The following TMEM138 variants were observed in gnomAD, a reference collection of about 807,000 sequenced individuals.
TMEM138 encodes the protein transmembrane protein 138.
A neutral mutation model predicts 18.1 loss-of-function variants in TMEM138; 9 were observed. The ratio of observed to expected loss-of-function variants is 0.50; its 90% CI spans 0.30 to 0.87. The LOEUF (loss-of-function observed/expected upper bound fraction) is 0.87, where lower values mean the gene tolerates loss of function less well. Among genes scored for constraint, TMEM138 ranks in the 40% least tolerant of loss-of-function variants. TMEM138 has a pLI of 0.06. For missense variants in TMEM138, 189 were observed against 190.6 expected, an observed-to-expected ratio of 0.99 and a Z score of 0.05; for synonymous variants, 79 against 74.8, an observed-to-expected ratio of 1.06 and a Z score of -0.29.
At chr11:61,365,739 G>A (rs1858119113) in intron 2 of TMEM138, 1 of 220,750 alleles carries the variant, frequency 4.5e-6, no homozygotes, top group Non-Finnish European at 8.8e-6. Flanking sequence ...GAAAAATAAG[G>A]AGTATCAGAG....
downstream of TMEM138, among the ~76,000 whole-genome samples, chr11:61,370,823 T>G (rs1203973357): frequency 6.6e-6 from 1 of 151,934 alleles, no homozygotes; most frequent in Non-Finnish European, 1.5e-5. Flanking sequence ...CGGGAAAGTG[T>G]GGGTGGTTTC....
rs1349854928 is a variant in TMEM138, at chr11:61,368,599, G to T, written c.379G>T (p.Ala127Ser). The T allele has an allele frequency of 6.2e-7, 1 of 1,610,044 alleles. No individual in the cohort carries two copies. The highest frequency in any genetic ancestry group is 8.5e-7 in the Non-Finnish European group (1 of 1,176,794). The change falls in exon 5 of 5, where the codon GCA (alanine) becomes TCA (serine). Residue 127 changes from alanine (A) to serine (S), a missense_variant and splice_region_variant. Transcript: ENST00000278826. ...TCTCTTCTGCTTCCTCCCCACAGCA[G>T]CAGTGTTGTACTGCTACTTCTATAA... ...QMLFVFQRLA[A>S]VLYCYFYKRT...
At chr11:61,373,975 T>C (rs1414453093), downstream of TMEM138, among the ~76,000 whole-genome samples, 1 of 152,050 alleles carries the variant, frequency 6.6e-6, no homozygotes, top group African/African-American at 2.4e-5. Flanking sequence ...CCCAAGTAGC[T>C]GGGATTACAG....
chr11:61,370,017 G>T (rs1455253054), downstream of TMEM138, among the ~76,000 whole-genome samples: 3 of 152,220 alleles, frequency 2.0e-5, no homozygotes, highest in Admixed American at 1.3e-4. Context: ...GAGGCTAAAA[G>T]AATTTGCCGA....
intron 1 of TMEM138, chr11:61,363,970 C>G (rs1858040822): frequency 6.3e-6 from 1 of 157,634 alleles, no homozygotes; most frequent in Non-Finnish European, 1.4e-5. Context: ...GATTTGCTGC[C>G]ATTTTTGTTA....
intron 2 of TMEM138, 146 bp downstream of exon 2, chr11:61,364,664 G>A (rs1180929536): frequency 1.8e-6 from 2 of 1,133,568 alleles, no homozygotes; most frequent in Non-Finnish European, 2.5e-6. Context: ...CAAGGCAGGA[G>A]GATCTTTTGA....
At chr11:61,367,238 A>G (rs1163311140) in intron 3 of TMEM138, 1 of 152,272 alleles carries the variant, frequency 6.6e-6, no homozygotes, top group African/African-American at 2.4e-5. Flanking sequence ...GCCTCAGATC[A>G]GATCCAGTGT....
chr11:61,372,053 G>A (rs1183021530), downstream of TMEM138, among the ~76,000 whole-genome samples: 3 of 151,812 alleles, frequency 2.0e-5, no homozygotes, highest in Admixed American at 6.6e-5. Flanking sequence ...GCACATGCGT[G>A]TAATCCCAGC....
chr11:61,375,247 A>G (rs919168030), downstream of TMEM138, among the ~76,000 whole-genome samples: 2 of 151,692 alleles, frequency 1.3e-5, no homozygotes, highest in East Asian at 1.9e-4. Flanking sequence ...GTATACTCCT[A>G]TGAACAAAAT....
downstream of TMEM138, among the ~76,000 whole-genome samples, chr11:61,371,285 G>A (rs1054393620): frequency 7.2e-5 from 11 of 152,000 alleles, no homozygotes; most frequent in South Asian, 2.1e-4. Context: ...TGCCCCCCTC[G>A]GCCTCCCAAA....
chr11:61,369,463 C>T lies in TMEM138; in HGVS notation c.*754C>T, dbSNP rs938424429. 2 of 152,174 alleles carry T rather than the reference C, an allele frequency of 1.3e-5. No individual in the cohort carries two copies. The highest frequency in any genetic ancestry group is 2.4e-5 in the African/African-American group (1 of 41,430). The allele number at this position is 152,174 out of a possible 1,614,324, so 9.4% of individuals were successfully genotyped here. On this transcript the variant is annotated 3_prime_UTR_variant, in exon 5 of 5. Transcript: ENST00000278826. ...TTTCCTTATCAGAAGCCTTAACTGC[C>T]CTCAGAAGAATAAAAATATTCCCTT...
At chr11:61,372,980 G>A (rs1486777303), downstream of TMEM138, among the ~76,000 whole-genome samples, 2 of 151,908 alleles carry the variant, frequency 1.3e-5, no homozygotes, top group Non-Finnish European at 2.9e-5. Flanking sequence ...TTTTAATTAA[G>A]GTTATTACAT....
chr11:61,368,604 G>A lies in TMEM138; in HGVS notation c.384G>A (p.Val128=). Residue 128 remains valine (V), a synonymous_variant, in exon 5 of 5, where the codon GTG becomes GTA. Transcript: ENST00000278826. ...TCTGCTTCCTCCCCACAGCAGCAGT[G>A]TTGTACTGCTACTTCTATAAACGGA... is the stretch of plus-strand genomic sequence containing the variant. ...MLFVFQRLAA[V]LYCYFYKRTA... The A allele has an allele frequency of 6.2e-7, 1 of 1,606,880 alleles. No individual in the cohort carries two copies. The highest frequency in any genetic ancestry group is 2.2e-5 in the East Asian group (1 of 44,848).
At position 61,366,191 on chromosome 11, in the gene TMEM138, G is replaced by T; in HGVS notation, c.275G>T (p.Ser92Ile). The change falls in exon 3 of 5, where the codon AGC (serine) becomes ATC (isoleucine). Residue 92 changes from serine to isoleucine, a missense_variant. Transcript: ENST00000278826. ...CTGACAGCTGTGTACTTTGCCCTCA[G>T]CATCTCCCTTCATGTCTGGGTCATG... ...IILTAVYFAL[S>I]ISLHVWVMNL... 1 of 1,614,014 alleles carries T rather than the reference G, an allele frequency of 6.2e-7. No homozygotes were observed.
At chr11:61,362,470 T>C (rs1489686445) in intron 1 of TMEM138, 50 bp downstream of exon 1, 1 of 152,310 alleles carries the variant, frequency 6.6e-6, no homozygotes, top group Non-Finnish European at 1.5e-5. Context: ...GTCAGAATTT[T>C]TGGTGCTGTT....
chr11:61,364,120 G>A (rs1388826180), intron 1 of TMEM138, 132 bp from the exon 2 acceptor site: 3 of 296,064 alleles, frequency 1.0e-5, no homozygotes, highest in Admixed American at 9.5e-5. Flanking sequence ...ACTTCTTGGG[G>A]GTTTTTGTTG....
chr11:61,375,974 G>C (rs1161002713), downstream of TMEM138, among the ~76,000 whole-genome samples: 1 of 152,186 alleles, frequency 6.6e-6, no homozygotes, highest in Admixed American at 6.5e-5. Flanking sequence ...CCACGGCTGG[G>C]CTCGGCTTTT....
chr11:61,367,832 T>A, intron 3 of TMEM138, 91 bp from the exon 4 acceptor site: 1 of 799,538 alleles, frequency 1.3e-6, no homozygotes, highest in Admixed American at 1.9e-5. Flanking sequence ...AGCATGATTT[T>A]AAAGCAACTG....
At chr11:61,373,895 G>A (rs1485051443), downstream of TMEM138, among the ~76,000 whole-genome samples, 1 of 151,630 alleles carries the variant, frequency 6.6e-6, no homozygotes, top group Non-Finnish European at 1.5e-5. Context: ...GGCTGGAGTA[G>A]TGCAGTGGTG....
Sources: allele counts gnomAD v4.1 joint callset (sites outside exome capture counted in the v4.1 genomes callset), GRCh38; gene constraint gnomAD v4.1.1; transcripts MANE v1.5; gene names NCBI Gene and HGNC (gene_info 2026-07-23, HGNC 2026-07-21).